Variants in AR observed in about 807,000 individuals in gnomAD.
The protein encoded by AR is androgen receptor, also known as dihydrotestosterone receptor.
A neutral mutation model predicts 53.9 loss-of-function variants in AR; 8 were observed. The observed-to-expected ratio is 0.15, with a 90% CI of 0.09 to 0.27. The LOEUF is 0.27. AR is among the 10% of genes least tolerant of loss of function. The pLI is 1.00. For synonymous variants in AR, 359 were observed against 316.4 expected, an observed-to-expected ratio of 1.13 and a Z score of -1.43; for missense variants, 639 against 742.5, an observed-to-expected ratio of 0.86 and a Z score of 1.62.
At chrX:67,581,123 C>T (rs1489540962) in intron 1 of AR, among the ~76,000 whole-genome samples, 3 of 111,428 alleles carry the variant, frequency 2.7e-5, no homozygotes, top group Non-Finnish European at 3.8e-5. Flanking sequence ...GTGATTCTTA[C>T]GTATAGCCAG....
At chrX:67,597,085 A>T (rs1313229288) in intron 1 of AR, among the ~76,000 whole-genome samples, 1 of 112,104 alleles carries the variant, frequency 8.9e-6, no homozygotes, top group African/African-American at 3.2e-5. Context: ...GAAATGTAGG[A>T]AGAGTTTCTG....
At chrX:67,636,523 G>A (rs890702979) in intron 1 of AR, among the ~76,000 whole-genome samples, 2 of 111,473 alleles carry the variant, frequency 1.8e-5, no homozygotes, top group East Asian at 5.6e-4. Context: ...GTAGTTTATT[G>A]GATATGTGTG....
chrX:67,650,651 T>A (rs2147446864), intron 2 of AR, among the ~76,000 whole-genome samples: 1 of 112,610 alleles, frequency 8.9e-6, no homozygotes, highest in Non-Finnish European at 1.9e-5. Context: ...ATTTTCATGT[T>A]CCTTCCCTGT....
At chrX:67,632,435 G>A (rs1355018833) in intron 1 of AR, among the ~76,000 whole-genome samples, 1 of 112,387 alleles carries the variant, frequency 8.9e-6, no homozygotes, top group Non-Finnish European at 1.9e-5. Context: ...TCTTTGACTA[G>A]GAATGGGAAC....
chrX:67,616,659 CACG>C (rs1221743489), intron 1 of AR, among the ~76,000 whole-genome samples: 1 of 111,429 alleles, frequency 9.0e-6, no homozygotes, highest in Non-Finnish European at 1.9e-5. Context: ...TTGCCATAAA[CACG>C]ACAACCCATT....
intron 2 of AR, among the ~76,000 whole-genome samples, chrX:67,668,840 G>A (rs999785851): frequency 9.0e-6 from 1 of 110,709 alleles, no homozygotes; most frequent in African/African-American, 3.3e-5. Context: ...CCAATGTATT[G>A]TCATCCAGTT....
In AR at chrX:67,712,767, T is replaced by G. The variant is rs765772943; in HGVS notation, c.2173+1078T>G. On this transcript the variant is annotated intron_variant, in intron 4 of 7. Transcript: ENST00000374690. ...GTTCTCCTAATCCTGCAATTATGATTCAAAGATTCTTTTGAAATAACAACA... is the reference window on the plus strand; with the variant it reads ...GTTCTCCTAATCCTGCAATTATGATGCAAAGATTCTTTTGAAATAACAACA... 2.7e-5 allele frequency among the ~76,000 whole-genome samples: 3 copies of G among 112,243 alleles called. No individual in the cohort carries two copies. The South Asian group carries it at 1.1e-3, about 41-fold the overall frequency.
intron 1 of AR, among the ~76,000 whole-genome samples, chrX:67,590,998 A>C (rs982433096): frequency 9.0e-6 from 1 of 111,697 alleles, no homozygotes; most frequent in Admixed American, 9.5e-5. Context: ...GCAACCTCAC[A>C]CTTGTCTCAG....
intron 1 of AR, among the ~76,000 whole-genome samples, chrX:67,580,167 G>GA (rs1238078237): frequency 9.2e-4 from 89 of 97,017 alleles, no homozygotes; most frequent in South Asian, 1.4e-3. Flanking sequence ...ATCCTCAAGG[G>GA]AAAAAAAAAA....
At chrX:67,708,828 G>C (rs1272905331) in intron 3 of AR, among the ~76,000 whole-genome samples, 1 of 111,970 alleles carries the variant, frequency 8.9e-6, no homozygotes, top group African/African-American at 3.3e-5. Flanking sequence ...TGGTGTGGAT[G>C]TCCTTTCTGT....
chrX:67,577,154 C>T (rs774697080), intron 1 of AR, among the ~76,000 whole-genome samples: 1 of 109,477 alleles, frequency 9.1e-6, no homozygotes, highest in Non-Finnish European at 1.9e-5. Context: ...CCTAGGCAAG[C>T]ACAAATGTAC....
intron 2 of AR, chrX:67,680,626 A>G (rs1367911347): frequency 1.3e-5 from 4 of 318,387 alleles, no homozygotes; most frequent in Non-Finnish European, 1.8e-5. Context: ...TAGGTTAACA[A>G]TGAAGATGAT....
chrX:67,594,450 T>C (rs1460050963), intron 1 of AR, among the ~76,000 whole-genome samples: 2 of 112,558 alleles, frequency 1.8e-5, no homozygotes. Context: ...ATTACTTTTA[T>C]CTTAAACATG....
chrX:67,572,333 T>A (rs1380751323), intron 1 of AR, among the ~76,000 whole-genome samples: 1 of 111,273 alleles, frequency 9.0e-6, no homozygotes, highest in Non-Finnish European at 1.9e-5. Context: ...GTGGTAAAAA[T>A]TATTAATGCT....
chrX:67,659,679 C>T (rs1452624488), intron 2 of AR, among the ~76,000 whole-genome samples: 5 of 111,713 alleles, frequency 4.5e-5, no homozygotes, highest in Non-Finnish European at 9.4e-5. Flanking sequence ...GATAAACATA[C>T]GTGTGCATGT....
intron 1 of AR, among the ~76,000 whole-genome samples, chrX:67,586,409 C>A (rs1296722993): frequency 8.9e-6 from 1 of 111,949 alleles, no homozygotes; most frequent in Non-Finnish European, 1.9e-5. Flanking sequence ...CATCCCAATT[C>A]AAATGTCACC....
At chrX:67,686,656 A>G (rs2075968574) in intron 3 of AR, among the ~76,000 whole-genome samples, 1 of 111,996 alleles carries the variant, frequency 8.9e-6, no homozygotes, top group African/African-American at 3.2e-5. Flanking sequence ...CTAGGCTGCC[A>G]CACAGAGCCA....
intron 1 of AR, among the ~76,000 whole-genome samples, chrX:67,564,247 C>T (rs1473360208): frequency 9.0e-6 from 1 of 111,390 alleles, no homozygotes; most frequent in Admixed American, 9.5e-5. Context: ...GCTGGCATAT[C>T]CTAAGAGGCA....
intron 2 of AR, among the ~76,000 whole-genome samples, chrX:67,648,184 A>G (rs1289575910): frequency 1.8e-5 from 2 of 111,612 alleles, no homozygotes; most frequent in East Asian, 5.7e-4. Flanking sequence ...CTTATTTACT[A>G]AACAAGAGAA....
Sources: allele counts gnomAD v4.1 joint callset (sites outside exome capture counted in the v4.1 genomes callset), GRCh38; gene constraint gnomAD v4.1.1; transcripts MANE v1.5; gene names NCBI Gene and HGNC (gene_info 2026-07-23, HGNC 2026-07-21).